The following NR5A2 variants were observed in gnomAD, a reference collection of about 807,000 sequenced individuals.
NR5A2 encodes the protein nuclear receptor subfamily 5 group A member 2.
A neutral mutation model predicts 62.7 loss-of-function variants in NR5A2; 26 were observed. The observed-to-expected ratio is 0.41, with a 90% confidence interval of 0.30 to 0.58. The LOEUF (loss-of-function observed/expected upper bound fraction) is 0.58. Among genes scored for constraint, NR5A2 ranks in the 20% least tolerant of loss-of-function variants. The probability of loss-of-function intolerance (pLI) is 0.22; values close to 1 mark genes in which losing one functional copy is unlikely to be tolerated. For missense variants in NR5A2, 541 were observed against 669.1 expected (o/e 0.81, Z 2.11); for synonymous variants, 246 against 241.7 (o/e 1.02, Z -0.16).
intron 5 of NR5A2, among the ~76,000 whole-genome samples, chr1:200,079,724 G>A (rs988013249): frequency 3.9e-5 from 6 of 152,224 alleles, no homozygotes; most frequent in African/African-American, 1.4e-4. Flanking sequence ...CATGCCTTTA[G>A]GAATGGGACC....
chr1:200,090,821 A>G (rs1317018145), intron 5 of NR5A2, among the ~76,000 whole-genome samples: 1 of 152,158 alleles, frequency 6.6e-6, no homozygotes, highest in East Asian at 1.9e-4. Flanking sequence ...ACAAACAGAC[A>G]CAGGTTTCCC....
At chr1:200,085,366 C>T (rs1664474440) in intron 5 of NR5A2, among the ~76,000 whole-genome samples, 1 of 152,086 alleles carries the variant, frequency 6.6e-6, no homozygotes, top group Non-Finnish European at 1.5e-5. Context: ...AATACTTGGG[C>T]TTGGCACAAG....
chr1:200,171,429 G>A (rs1035660621), intron 7 of NR5A2, among the ~76,000 whole-genome samples: 1 of 152,152 alleles, frequency 6.6e-6, no homozygotes, highest in Non-Finnish European at 1.5e-5. Context: ...GGAAAAGGGT[G>A]TCAGTTTGGA....
chr1:200,115,445 A>G (rs1453877395), intron 6 of NR5A2, among the ~76,000 whole-genome samples: 3 of 152,180 alleles, frequency 2.0e-5, no homozygotes, highest in Non-Finnish European at 4.4e-5. Flanking sequence ...ATATCATGGG[A>G]AAAAGTAAAT....
chr1:200,166,282 T>C (rs1035170605), intron 7 of NR5A2, among the ~76,000 whole-genome samples: 1 of 152,202 alleles, frequency 6.6e-6, no homozygotes, highest in East Asian at 1.9e-4. Context: ...ACCTGTACAA[T>C]ACAATTGGAA....
At chr1:200,053,397 A>T (rs1558108148) in intron 5 of NR5A2, among the ~76,000 whole-genome samples, 1 of 152,230 alleles carries the variant, frequency 6.6e-6, no homozygotes, top group Non-Finnish European at 1.5e-5. Context: ...AGAAGAGATC[A>T]CTGAGATCAT....
intron 7 of NR5A2, among the ~76,000 whole-genome samples, chr1:200,139,328 C>A (rs1180833061): frequency 6.6e-6 from 1 of 152,116 alleles, no homozygotes; most frequent in East Asian, 1.9e-4. Flanking sequence ...AAAATAAATA[C>A]AGATTTATCT....
At chr1:200,097,469 G>T (rs1665153258) in intron 5 of NR5A2, among the ~76,000 whole-genome samples, 1 of 152,190 alleles carries the variant, frequency 6.6e-6, no homozygotes, top group African/African-American at 2.4e-5. Context: ...TTGGGAAAAA[G>T]AAATTCAATA....
rs1661920053 is a variant in NR5A2, at chr1:200,039,047, T to C, written c.65-611T>C. On this transcript the variant is annotated intron_variant, in intron 1 of 7. Transcript: ENST00000367362. The surrounding 1 kb of genome is among the most constrained non-coding windows in gnomAD (Gnocchi z 5.1). Reference sequence around the variant, plus strand: ...TTCCCAGCACCGTCACCCTCGGGGCTGGGAAGGGCCGTTCTCGGTCCCGCG... The same window carrying C: ...TTCCCAGCACCGTCACCCTCGGGGCCGGGAAGGGCCGTTCTCGGTCCCGCG... Among the ~76,000 whole-genome samples, 1 of 150,912 alleles carries C rather than the reference T, an allele frequency of 6.6e-6. No individual in the cohort carries two copies. The highest frequency in any genetic ancestry group is 2.4e-5 in the African/African-American group (1 of 41,024).
At chr1:200,109,495 C>T (rs1443493593) in intron 5 of NR5A2, among the ~76,000 whole-genome samples, 1 of 152,126 alleles carries the variant, frequency 6.6e-6, no homozygotes, top group Non-Finnish European at 1.5e-5. Context: ...CTTGGCCAAG[C>T]TCTCATAGCT....
intron 7 of NR5A2, among the ~76,000 whole-genome samples, chr1:200,141,131 C>T (rs892014543): frequency 5.9e-5 from 9 of 152,180 alleles, no homozygotes; most frequent in African/African-American, 1.9e-4. Context: ...TTTAAATGCA[C>T]TCGTTTGTGT....
chr1:200,027,851 T>C lies in NR5A2; in HGVS notation c.4T>C (p.Ser2Pro), dbSNP rs1661402007. 3 of 1,601,134 alleles carry C rather than the reference T, an allele frequency of 1.9e-6. No individual in the cohort carries two copies. Among genetic ancestry groups the C allele is most frequent in the South Asian group, 1.1e-5 (1 of 87,752 alleles). Residue 2 changes from serine to proline, a missense_variant, in exon 1 of 8, where the codon TCT becomes CCT. By Grantham distance (74) the Ser-to-Pro change is moderately conservative. Coordinates refer to ENST00000367362, the MANE Select transcript of NR5A2 (RefSeq NM_205860.3). M[S>P]SNSDTGDLQE... ...ACTGCCTATAATTTCACTAAGAATGTCTTCTAATTCAGATACTGGGGATTT... is the reference window on the plus strand; with the variant it reads ...ACTGCCTATAATTTCACTAAGAATGCCTTCTAATTCAGATACTGGGGATTT...
chr1:200,074,629 C>T lies in NR5A2; in HGVS notation c.1110+25811C>T, dbSNP rs954112031. Among the ~76,000 whole-genome samples the T allele has an allele frequency of 5.4e-5, 8 of 148,804 alleles. No homozygotes were observed. The South Asian group carries it at 1.5e-3, about 28-fold the overall frequency. On this transcript the variant is annotated intron_variant, in intron 5 of 7. Coordinates refer to ENST00000367362, the MANE Select transcript of NR5A2 (RefSeq NM_205860.3). Reference sequence around the variant, plus strand: ...GCGGGTGCCTGTAGTCCCAGCTACTCGGGAAGCTGAGGCAGGAGAATGGCG... The same window carrying T: ...GCGGGTGCCTGTAGTCCCAGCTACTTGGGAAGCTGAGGCAGGAGAATGGCG...
In NR5A2 at chr1:200,073,877, ACTTTTGAAC is replaced by A. The variant is rs530737508; in HGVS notation, c.1110+25062_1110+25070del. On this transcript the variant is annotated intron_variant, in intron 5 of 7. Coordinates refer to ENST00000367362, the MANE Select transcript of NR5A2 (RefSeq NM_205860.3). ...CTAGCCTCGCACTGCTGGGAGACAGACTTTTGAACCTGTAATTAGAATGGGCAATGGGTG... is the reference window on the plus strand; with the variant it reads ...CTAGCCTCGCACTGCTGGGAGACAGACTGTAATTAGAATGGGCAATGGGTG... 1.2e-4 allele frequency among the ~76,000 whole-genome samples: 19 copies of A among 152,292 alleles called. No homozygotes were observed. The East Asian group carries it at 3.7e-3, about 29-fold the overall frequency.
At chr1:200,124,621 A>G (rs974100025) in intron 7 of NR5A2, among the ~76,000 whole-genome samples, 5 of 152,168 alleles carry the variant, frequency 3.3e-5, no homozygotes, top group African/African-American at 1.2e-4. Context: ...CATAGTAGGG[A>G]CTTACAAAAT....
intron 5 of NR5A2, among the ~76,000 whole-genome samples, chr1:200,088,340 C>T (rs1455365951): frequency 2.0e-5 from 3 of 152,134 alleles, no homozygotes; most frequent in Non-Finnish European, 4.4e-5. Context: ...TCACTGCAAC[C>T]TCCACCTCCC....
intron 1 of NR5A2, among the ~76,000 whole-genome samples, chr1:200,031,937 G>A (rs544421634): frequency 6.6e-6 from 1 of 152,118 alleles, no homozygotes; most frequent in Non-Finnish European, 1.5e-5. Flanking sequence ...GAGAACAGAG[G>A]CTTGTTAATG....
chr1:200,128,166 C>T (rs1347206875), intron 7 of NR5A2, among the ~76,000 whole-genome samples: 3 of 152,132 alleles, frequency 2.0e-5, no homozygotes, highest in Non-Finnish European at 2.9e-5. Flanking sequence ...GTCCCGCAGT[C>T]GGCCCTGCAG....
At chr1:200,157,773 C>A (rs1211772872) in intron 7 of NR5A2, among the ~76,000 whole-genome samples, 1 of 152,112 alleles carries the variant, frequency 6.6e-6, no homozygotes, top group African/African-American at 2.4e-5. Context: ...ACTCCAGAGA[C>A]CCTCTCTTTT....
Sources: gnomAD v4.1 joint callset for allele counts (sites outside exome capture counted in the v4.1 genomes callset) on GRCh38, gnomAD v4.1.1 for gene constraint, Gnocchi (gnomAD v3.1) non-coding constraint, MANE v1.5 for transcripts, NCBI Gene and HGNC (gene_info 2026-07-23, HGNC 2026-07-21) for gene names.